The following TP63 variants were observed in gnomAD, a reference collection of about 807,000 sequenced individuals.
TP63 encodes the protein tumor protein p63.
Under a neutral mutation model 82.8 loss-of-function variants are expected in TP63, and 17 were observed. The observed-to-expected ratio is 0.21, with a 90% CI of 0.14 to 0.31. The LOEUF (loss-of-function observed/expected upper bound fraction) is 0.31. Ranked by LOEUF, TP63 falls within the 10% of genes least tolerant of loss-of-function variation. The probability of loss-of-function intolerance (pLI) is 1.00; values close to 1 mark genes in which losing one functional copy is unlikely to be tolerated. For synonymous variants in TP63, 330 were observed against 321.7 expected (o/e 1.03, Z -0.28); for missense variants, 648 against 895.3 (o/e 0.72, Z 3.52).
chr3:189,859,279 A>G (rs1716705691), intron 4 of TP63, among the ~76,000 whole-genome samples: 1 of 152,186 alleles, frequency 6.6e-6, no homozygotes, highest in Admixed American at 6.5e-5. Context: ...AAAACCTAAA[A>G]AGTGAAATTT....
intron 10 of TP63, among the ~76,000 whole-genome samples, chr3:189,875,577 GA>G (rs1255435500): frequency 7.7e-5 from 3 of 38,812 alleles, no homozygotes; most frequent in Admixed American, 3.1e-4. Context: ...AAAAGAAAAA[GA>G]AAAAAAAATA....
At chr3:189,667,238 A>G (rs1196947895) in intron 1 of TP63, among the ~76,000 whole-genome samples, 1 of 145,662 alleles carries the variant, frequency 6.9e-6, no homozygotes, top group Admixed American at 7.0e-5. Flanking sequence ...ACAGTGGTGC[A>G]ATCTCTACTC....
intron 1 of TP63, among the ~76,000 whole-genome samples, chr3:189,697,784 C>T (rs982019598): frequency 6.6e-6 from 1 of 151,736 alleles, no homozygotes; most frequent in Non-Finnish European, 1.5e-5. Flanking sequence ...GGATTTATAG[C>T]CAAATATTTC....
At chr3:189,814,580 T>A (rs1727955939) in intron 4 of TP63, among the ~76,000 whole-genome samples, 1 of 152,254 alleles carries the variant, frequency 6.6e-6, no homozygotes, top group Non-Finnish European at 1.5e-5. Flanking sequence ...ATTGAGCATA[T>A]TAATCTGTTA....
At position 189,645,678 on chromosome 3, in the gene TP63, C is replaced by T. The variant is rs183233596; in HGVS notation, c.62+14101C>T. ...CCACTCCCCCACCCCACGACAGGCT[C>T]CAGTGTGTGATGTTCCCTGCCCTGT... On this transcript the variant is annotated intron_variant, in intron 1 of 13. Coordinates refer to ENST00000264731, the MANE Select transcript of TP63 (RefSeq NM_003722.5). 8.1e-5 allele frequency among the ~76,000 whole-genome samples: 10 copies of T among 123,390 alleles called. 4 individuals are homozygous for T. In the East Asian group the frequency reaches 3.9e-3, roughly 48 times the overall value. 80.9% of individuals were successfully genotyped at this position (123,390 alleles called of 152,430 possible). A position where few individuals can be genotyped will look rare whatever the true frequency, so the allele number is the denominator to read the frequency against.
At chr3:189,784,658 A>G (rs1724464803) in intron 3 of TP63, among the ~76,000 whole-genome samples, 1 of 152,124 alleles carries the variant, frequency 6.6e-6, no homozygotes, top group Non-Finnish European at 1.5e-5. Context: ...AATCTAGAAT[A>G]CAACTGTAAG....
chr3:189,749,708 A>G (rs1721654812), intron 3 of TP63, among the ~76,000 whole-genome samples: 1 of 152,236 alleles, frequency 6.6e-6, no homozygotes, highest in Non-Finnish European at 1.5e-5. Context: ...AAAAATCAGT[A>G]TATCAAAAAG....
chr3:189,803,697 G>A (rs1002995943), intron 3 of TP63, among the ~76,000 whole-genome samples: 2 of 152,176 alleles, frequency 1.3e-5, no homozygotes, highest in Admixed American at 6.5e-5. Flanking sequence ...GCTAGTTTGT[G>A]AGGAACCTGA....
intron 3 of TP63, among the ~76,000 whole-genome samples, chr3:189,765,311 T>C (rs553515957): frequency 1.3e-5 from 2 of 152,134 alleles, no homozygotes; most frequent in East Asian, 1.9e-4. Flanking sequence ...ATATTGTTTT[T>C]TTCCCCCCTG....
the TP63 span, among the ~76,000 whole-genome samples, chr3:189,611,349 A>G: frequency 3.3e-5 from 5 of 152,106 alleles, no homozygotes; most frequent in East Asian, 1.9e-4. Context: ...TTCAGTTGCA[A>G]TATTCTCCAT....
intron 3 of TP63, among the ~76,000 whole-genome samples, chr3:189,756,207 T>C (rs1050442468): frequency 2.0e-5 from 3 of 152,214 alleles, no homozygotes; most frequent in Non-Finnish European, 4.4e-5. Flanking sequence ...ATAATTTGTG[T>C]CAAATAGGCT....
chr3:189,742,072 G>A (rs542983546), intron 3 of TP63, among the ~76,000 whole-genome samples: 3 of 151,836 alleles, frequency 2.0e-5, no homozygotes, highest in South Asian at 2.1e-4. Context: ...GTGGATACCC[G>A]TCTCTACTAA....
At chr3:189,848,239 T>TCTCTCTCTCTCTCTC (rs372147574) in intron 4 of TP63, among the ~76,000 whole-genome samples, 4 of 95,980 alleles carry the variant, frequency 4.2e-5, no homozygotes, top group South Asian at 4.2e-4. Context: ...CTCCTCCTCC[T>TCTCTCTCTCTCTCTC]TCTCTCTCTC....
chr3:189,868,393 A>G lies in TP63; in HGVS notation c.993-187A>G, dbSNP rs1399774. Among the ~76,000 whole-genome samples the G allele has an allele frequency of 0.17, 25,437 of 152,196 alleles. 2,616 individuals carry two copies. The highest frequency in any genetic ancestry group is 0.23 in the Non-Finnish European group (15,526 of 67,986). The stretch of plus-strand genomic sequence containing the variant: ...AACAAATGGAATGTTATTTACTAAT[A>G]TTACTTGTGGCATGTTAGCACTTTT... On this transcript the variant is annotated intron_variant, in intron 7 of 13. Coordinates refer to ENST00000264731, the MANE Select transcript of TP63 (RefSeq NM_003722.5).
At chr3:189,702,492 T>C (rs556738331) in intron 1 of TP63, among the ~76,000 whole-genome samples, 1 of 152,318 alleles carries the variant, frequency 6.6e-6, no homozygotes, top group East Asian at 1.9e-4. Flanking sequence ...AATTCTTTAC[T>C]CATTCAGAAG....
intron 3 of TP63, among the ~76,000 whole-genome samples, chr3:189,783,536 G>C (rs1215410102): frequency 6.6e-6 from 1 of 151,674 alleles, no homozygotes; most frequent in Non-Finnish European, 1.5e-5. Context: ...AAAATAATTA[G>C]AGTTTTTATT....
rs1341414625 is a variant in TP63 at position 189,649,900 on chromosome 3, AC to A, written c.62+18324del. Among the ~76,000 whole-genome samples the A allele has an allele frequency of 6.2e-5, 9 of 146,152 alleles. 1 individual carries two copies. Among genetic ancestry groups the A allele is most frequent in the Non-Finnish European group, 9.0e-5 (6 of 67,034 alleles). ...GACGTGTAGGTAAAAGTAATGATTA[AC>A]TTTTTTTCAAAGGATTTTATTGTCT... On this transcript the variant is annotated intron_variant, in intron 1 of 13. Transcript: ENST00000264731.
chr3:189,622,438 G>T, the TP63 span, among the ~76,000 whole-genome samples: 1 of 152,202 alleles, frequency 6.6e-6, no homozygotes, highest in Admixed American at 6.5e-5. Context: ...GATTAATGCA[G>T]AGTCACCAAC....
intron 3 of TP63, among the ~76,000 whole-genome samples, chr3:189,773,915 C>CTTTTTTTTTTTTTTTTTT (rs57761830): frequency 1.4e-5 from 1 of 72,892 alleles, no homozygotes; most frequent in Non-Finnish European, 2.4e-5. Context: ...TGTCTCGTGC[C>CTTTTTTTTTTTTTTTTTT]TTTTTTTTTT....
Sources: allele counts gnomAD v4.1 joint callset (sites outside exome capture counted in the v4.1 genomes callset), GRCh38; gene constraint gnomAD v4.1.1; transcripts MANE v1.5; gene names NCBI Gene and HGNC (gene_info 2026-07-23, HGNC 2026-07-21).